ZC3H7B: variants seen among roughly 807,000 people sequenced by gnomAD.
ZC3H7B encodes zinc finger CCCH domain-containing protein 7B.
ZC3H7B carries 35 observed loss-of-function variants against 116.0 expected under a neutral mutation model. That is an observed-to-expected ratio of 0.30 (90% CI 0.23 to 0.40). The LOEUF (loss-of-function observed/expected upper bound fraction) is 0.40. ZC3H7B is among the 10% of genes least tolerant of loss of function. ZC3H7B has a pLI of 1.00. For missense variants in ZC3H7B, 1,011 were observed against 1,321.5 expected, an observed-to-expected ratio of 0.77 and a Z score of 3.64; for synonymous variants, 502 against 545.6, an observed-to-expected ratio of 0.92 and a Z score of 1.11.
chr22:41,319,933 A>T (rs2145908702), intron 1 of ZC3H7B, among the ~76,000 whole-genome samples: 1 of 151,832 alleles, frequency 6.6e-6, no homozygotes, highest in Non-Finnish European at 1.5e-5. Flanking sequence ...CCAGAGGCTG[A>T]GGCAGGAGAA....
intron 2 of ZC3H7B, among the ~76,000 whole-genome samples, chr22:41,324,056 C>T (rs776119250): frequency 2.1e-4 from 32 of 151,214 alleles, no homozygotes; most frequent in Non-Finnish European, 4.3e-4. Context: ...GGCGACACAG[C>T]GAGACTCTGT....
chr22:41,336,083 A>C (rs2036442928), intron 7 of ZC3H7B: 1 of 152,500 alleles, frequency 6.6e-6, no homozygotes, highest in African/African-American at 2.4e-5. Flanking sequence ...CTCACCAGGG[A>C]AGCAGGACTT....
intron 2 of ZC3H7B, among the ~76,000 whole-genome samples, chr22:41,324,799 C>A (rs958785066): frequency 3.3e-5 from 5 of 152,132 alleles, no homozygotes; most frequent in African/African-American, 1.2e-4. Flanking sequence ...GTCTGTGGAC[C>A]TGTGGTCTCG....
chr22:41,324,148 G>A lies in ZC3H7B; in HGVS notation c.54-1416G>A, dbSNP rs951420426. Among the ~76,000 whole-genome samples, 12 of 152,274 alleles carry A rather than the reference G, an allele frequency of 7.9e-5. No homozygotes were observed. The East Asian group carries it at 1.5e-3, about 20-fold the overall frequency. On this transcript the variant is annotated intron_variant, in intron 2 of 22. Transcript: ENST00000352645. ...GCTGGAAGAGGGTAGGCTGGAGGCAGGAGGCCAGGAAGGTAGTGATGGGGT... is the reference window on the plus strand; with the variant it reads ...GCTGGAAGAGGGTAGGCTGGAGGCAAGAGGCCAGGAAGGTAGTGATGGGGT...
chr22:41,313,904 G>T (rs1206850817), intron 1 of ZC3H7B, among the ~76,000 whole-genome samples: 2 of 151,354 alleles, frequency 1.3e-5, no homozygotes, highest in Non-Finnish European at 2.9e-5. Context: ...CCGCCATCAT[G>T]CCTGGCTAAT....
intron 17 of ZC3H7B, among the ~76,000 whole-genome samples, chr22:41,354,529 A>C (rs186322698): frequency 2.6e-5 from 4 of 152,104 alleles, no homozygotes; most frequent in African/African-American, 7.2e-5. Context: ...GGGAGTTCCT[A>C]TGGCAGGAGG....
rs1405313445 is a variant in ZC3H7B, at chr22:41,327,943, GCAAGAC to G, written c.444+581_444+586del. ...GTTTGCAACTAGCCTGAGCAACATAGCAAGACCCTGTTTCAACAAAAAATTAAAAAA... is the reference window on the plus strand; with the variant it reads ...GTTTGCAACTAGCCTGAGCAACATAGCCTGTTTCAACAAAAAATTAAAAAA... On this transcript the variant is annotated intron_variant, in intron 5 of 22. Transcript: ENST00000352645. The surrounding 1 kb of genome is among the most constrained non-coding windows in gnomAD (Gnocchi z 4.5). Among the ~76,000 whole-genome samples, 3 of 152,158 alleles carry G rather than the reference GCAAGAC, an allele frequency of 2.0e-5. No homozygotes were observed. Among genetic ancestry groups the G allele is most frequent in the African/African-American group, 7.2e-5 (3 of 41,542 alleles).
chr22:41,357,507 G>C lies in ZC3H7B; in HGVS notation c.*78G>C, dbSNP rs1224388840. ...CAGAAGGCCTGATAGAAGGGTCAGG[G>C]CAGGCCAGGGGGGTGGGGGGCCGCC... On this transcript the variant is annotated 3_prime_UTR_variant, in exon 23 of 23. Coordinates refer to ENST00000352645, the MANE Select transcript of ZC3H7B (RefSeq NM_017590.6). This position sits in a 1 kb window ranked among gnomAD's most constrained non-coding sequence, Gnocchi z 5.4. The C allele has an allele frequency of 2.4e-6, 2 of 833,588 alleles. No individual in the cohort carries two copies. The highest frequency in any genetic ancestry group is 3.6e-6 in the Non-Finnish European group (2 of 552,000). The allele number at this position is 833,588 out of a possible 1,614,324, so 51.6% of individuals were successfully genotyped here. A position where few individuals can be genotyped will look rare whatever the true frequency, so the allele number is the denominator to read the frequency against.
At chr22:41,337,415 C>T (rs1235586799) in intron 7 of ZC3H7B, among the ~76,000 whole-genome samples, 1 of 152,160 alleles carries the variant, frequency 6.6e-6, no homozygotes, top group Non-Finnish European at 1.5e-5. Context: ...GTCATTTCAT[C>T]CTGATAGCCT....
At chr22:41,330,858 CTTT>C (rs1162413000) in intron 6 of ZC3H7B, among the ~76,000 whole-genome samples, 10 of 128,662 alleles carry the variant, frequency 7.8e-5, no homozygotes, top group African/African-American at 2.4e-4. Flanking sequence ...AGGAGAATCA[CTTT>C]TTTTTTTTTT....
At chr22:41,305,377 G>T (rs1482384541) in intron 1 of ZC3H7B, among the ~76,000 whole-genome samples, 1 of 151,258 alleles carries the variant, frequency 6.6e-6, no homozygotes, top group East Asian at 1.9e-4. Context: ...GGGCATGCTG[G>T]TGGGTGCCTG....
chr22:41,310,124 G>C (rs1185383953), intron 1 of ZC3H7B, among the ~76,000 whole-genome samples: 2 of 152,148 alleles, frequency 1.3e-5, no homozygotes, highest in African/African-American at 4.8e-5. Context: ...AGAATGGTGT[G>C]AACCCGGGAG....
chr22:41,324,152 G>T lies in ZC3H7B; in HGVS notation c.54-1412G>T, dbSNP rs185363155. 1.9e-3 allele frequency among the ~76,000 whole-genome samples: 283 copies of T among 152,268 alleles called. 1 individual carries two copies. The highest frequency in any genetic ancestry group is 6.4e-3 in the African/African-American group (268 of 41,568). On this transcript the variant is annotated intron_variant, in intron 2 of 22. Coordinates refer to ENST00000352645, the MANE Select transcript of ZC3H7B (RefSeq NM_017590.6). ...GAAGAGGGTAGGCTGGAGGCAGGAG[G>T]CCAGGAAGGTAGTGATGGGGTCTTT...
rs535552622 is a variant in ZC3H7B at position 41,303,859 on chromosome 22, G to A, written c.-7+2087G>A. ...TGCAAGCTCCGCCTCCCGGGTTCACGCCATTCTCCTGCCTCAGCCTCCTGA... is the reference window on the plus strand; with the variant it reads ...TGCAAGCTCCGCCTCCCGGGTTCACACCATTCTCCTGCCTCAGCCTCCTGA... On this transcript the variant is annotated intron_variant, in intron 1 of 22. Transcript: ENST00000352645. Among the ~76,000 whole-genome samples the A allele has an allele frequency of 9.9e-5, 15 of 152,230 alleles. No individual in the cohort carries two copies. In the East Asian group the frequency reaches 1.2e-3, roughly 12 times the overall value.
chr22:41,323,674 C>T (rs927246933), intron 2 of ZC3H7B, among the ~76,000 whole-genome samples: 4 of 152,224 alleles, frequency 2.6e-5, no homozygotes, highest in Non-Finnish European at 5.9e-5. Flanking sequence ...TGCCCCACTC[C>T]TCCTACGCTG....
At chr22:41,347,626 G>A (rs2036603826) in intron 14 of ZC3H7B, among the ~76,000 whole-genome samples, 1 of 152,132 alleles carries the variant, frequency 6.6e-6, no homozygotes, top group Admixed American at 6.5e-5. Flanking sequence ...AGGGTTTGGT[G>A]CCGCTCAGTC....
rs1444557783 is a variant in ZC3H7B at position 41,351,714 on chromosome 22, G to C, written c.2034+68G>C. The stretch of plus-strand genomic sequence containing the variant: ...TTGTCCCCAAATTACAAACAGGAAG[G>C]CTCTAATTTTACAATAGAGAAATGT... On this transcript the variant is annotated intron_variant, in intron 17 of 22. Coordinates refer to ENST00000352645, the MANE Select transcript of ZC3H7B (RefSeq NM_017590.6). The surrounding 1 kb of genome is among the most constrained non-coding windows in gnomAD (Gnocchi z 5.1). 4 of 1,478,034 alleles carry C rather than the reference G, an allele frequency of 2.7e-6. No individual in the cohort carries two copies. The highest frequency in any genetic ancestry group is 3.7e-6 in the Non-Finnish European group (4 of 1,082,182). 91.6% of individuals were successfully genotyped at this position (1,478,034 alleles called of 1,614,324 possible).
chr22:41,326,483 C>T (rs1237169861), intron 4 of ZC3H7B, among the ~76,000 whole-genome samples: 32 of 145,718 alleles, frequency 2.2e-4, no homozygotes, highest in Admixed American at 1.5e-3. Flanking sequence ...CACTGTTCCT[C>T]CCATAGTCTC....
chr22:41,346,265 A>G lies in ZC3H7B; in HGVS notation c.1665+57A>G. The G allele has an allele frequency of 1.9e-6, 3 of 1,579,022 alleles. No homozygotes were observed. Among genetic ancestry groups the G allele is most frequent in the Non-Finnish European group, 2.6e-6 (3 of 1,165,710 alleles). On this transcript the variant is annotated intron_variant, in intron 14 of 22. Coordinates refer to ENST00000352645, the MANE Select transcript of ZC3H7B (RefSeq NM_017590.6). The surrounding 1 kb of genome is among the most constrained non-coding windows in gnomAD (Gnocchi z 5.3). ...GGCCATGGCACAGACAGGGCTGGGG[A>G]TGCTCCCTGGCACGGACCACCATAG...
Sources: allele counts gnomAD v4.1 joint callset (sites outside exome capture counted in the v4.1 genomes callset), GRCh38; gene constraint gnomAD v4.1.1; non-coding constraint Gnocchi (gnomAD v3.1); transcripts MANE v1.5; gene names NCBI Gene and HGNC (gene_info 2026-07-23, HGNC 2026-07-21).